GET1: variants seen among roughly 807,000 people sequenced by gnomAD.
The protein encoded by GET1 is congenital heart disease 5 protein.
A neutral mutation model predicts 22.6 loss-of-function variants in GET1; 20 were observed. The observed-to-expected ratio is 0.89, with a 90% CI of 0.62 to 1.29. The LOEUF (loss-of-function observed/expected upper bound fraction) is 1.29, where lower values mean the gene tolerates loss of function less well. Ranked by LOEUF, GET1 falls within the 50% of genes most tolerant of loss-of-function variation. The pLI, the probability that GET1 is intolerant of heterozygous loss-of-function variation, is 0.00. For synonymous variants in GET1, 92 were observed against 83.8 expected (o/e 1.10, Z -0.53); for missense variants, 209 against 219.9 (o/e 0.95, Z 0.31).
intron 1 of GET1, chr21:39,422,936 C>T (rs1181080668): frequency 6.3e-7 from 1 of 1,583,056 alleles, no homozygotes; most frequent in African/African-American, 1.4e-5. Flanking sequence ...TCTCTATTAA[C>T]TTTGGAATCT....
At position 39,397,649 on chromosome 21, in the gene GET1, T is replaced by C. The variant is rs577180045; in HGVS notation, c.*710T>C. The C allele has an allele frequency of 6.7e-6, 1 of 149,224 alleles. No individual in the cohort carries two copies. The highest frequency in any genetic ancestry group is 2.0e-4 in the East Asian group (1 of 4,992). The allele number at this position is 149,224 out of a possible 1,614,324, so 9.2% of individuals were successfully genotyped here. On this transcript the variant is annotated 3_prime_UTR_variant, in exon 5 of 5. Transcript: ENST00000649170. The stretch of plus-strand genomic sequence containing the variant: ...ATAAGCATTTAATATTTATGCTCTT[T>C]AGAATGGAACACAGAAAACAAACCT...
At chr21:39,406,427 T>C in exon 5 of GET1, 1 of 1,614,144 alleles carries the variant, frequency 6.2e-7, no homozygotes, top group Non-Finnish European at 8.5e-7. Flanking sequence ...AACTTTTCTC[T>C]TACTAGAACA....
chr21:39,384,921 C>G (rs977521814), intron 1 of GET1, among the ~76,000 whole-genome samples: 2 of 152,070 alleles, frequency 1.3e-5, no homozygotes, highest in Non-Finnish European at 2.9e-5. Flanking sequence ...AGAAGGATAA[C>G]ATAATTATTA....
At chr21:39,421,533 A>G (rs984237385) in intron 1 of GET1, 9 of 152,252 alleles carry the variant, frequency 5.9e-5, no homozygotes, top group African/African-American at 2.2e-4. Flanking sequence ...GAAATGACTG[A>G]TTTAATTCAA....
At chr21:39,394,626 T>G (rs1336042216) in intron 4 of GET1, among the ~76,000 whole-genome samples, 1 of 152,136 alleles carries the variant, frequency 6.6e-6, no homozygotes, top group Non-Finnish European at 1.5e-5. Flanking sequence ...TGATGGCCCA[T>G]TTTCCAGTTC....
At position 39,380,407 on chromosome 21, in the gene GET1, A is replaced by G. The variant is rs540173843; in HGVS notation, c.23A>G (p.His8Arg). The change falls in exon 1 of 5, where the codon CAC (histidine) becomes CGC (arginine). Residue 8 changes from histidine (H) to arginine (R), a missense_variant. By Grantham distance (29) the His-to-Arg change is conservative. Transcript: ENST00000649170. ...GGGATGAGCTCAGCCGCGGCCGACC[A>G]CTGGGCGTGGTTGCTGGTGCTCAGC... is the stretch of plus-strand genomic sequence containing the variant. MSSAAADHWAWLLVLSFV... is the reference protein window; with the variant it reads MSSAAADRWAWLLVLSFV... 4 of 1,611,148 alleles carry G rather than the reference A, an allele frequency of 2.5e-6. No individual in the cohort carries two copies. Among genetic ancestry groups the G allele is most frequent in the Non-Finnish European group, 2.5e-6 (3 of 1,178,614 alleles).
chr21:39,406,460 C>A, exon 5 of GET1: 1 of 1,614,008 alleles, frequency 6.2e-7, no homozygotes, highest in Non-Finnish European at 8.5e-7. Flanking sequence ...CTTTCTCTTT[C>A]AGGATGAATA....
chr21:39,419,487 C>T (rs771478460), intron 1 of GET1, among the ~76,000 whole-genome samples: 2 of 140,842 alleles, frequency 1.4e-5, no homozygotes, highest in Non-Finnish European at 3.0e-5. Flanking sequence ...ATGGTGCCAC[C>T]GCATTCTAGT....
chr21:39,420,720 G>C, intron 1 of GET1: 2 of 1,611,172 alleles, frequency 1.2e-6, no homozygotes, highest in Non-Finnish European at 1.7e-6. Context: ...AGTTTTTGTT[G>C]AAGGTGTTTT....
chr21:39,420,690 G>C (rs781306507), intron 1 of GET1: 6 of 1,599,918 alleles, frequency 3.8e-6, no homozygotes, highest in Non-Finnish European at 5.1e-6. Flanking sequence ...CTTACATTTT[G>C]TTTTAAAAGA....
intron 1 of GET1, chr21:39,422,495 CA>C (rs1210988428): frequency 6.2e-6 from 1 of 162,374 alleles, no homozygotes; most frequent in Admixed American, 6.4e-5. Context: ...AAAATAACTA[CA>C]AATGTCTGTG....
chr21:39,405,152 A>G (rs1470189058), intron 4 of GET1, among the ~76,000 whole-genome samples: 1 of 151,784 alleles, frequency 6.6e-6, no homozygotes, highest in Non-Finnish European at 1.5e-5. Context: ...TTTTTAGTAA[A>G]AAGAGTCTTT....
chr21:39,382,952 ATTTATT>A (rs2037644148), intron 1 of GET1, among the ~76,000 whole-genome samples: 2 of 151,522 alleles, frequency 1.3e-5, no homozygotes, highest in Non-Finnish European at 2.9e-5. Flanking sequence ...TTATTTTTTT[ATTTATT>A]TTTATTTTTT....
downstream of GET1, chr21:39,410,263 C>T: frequency 6.3e-7 from 1 of 1,585,456 alleles, no homozygotes; most frequent in South Asian, 1.1e-5. Context: ...ATTTGCTGTA[C>T]CTTAGTTGTC....
downstream of GET1, among the ~76,000 whole-genome samples, chr21:39,401,399 T>C (rs542870613): frequency 1.3e-5 from 2 of 152,266 alleles, no homozygotes; most frequent in African/African-American, 4.8e-5. Context: ...TTGAGAGGTA[T>C]AAAATATTTA....
At chr21:39,381,799 G>A (rs949488043) in intron 1 of GET1, among the ~76,000 whole-genome samples, 4 of 152,166 alleles carry the variant, frequency 2.6e-5, no homozygotes, top group African/African-American at 4.8e-5. Flanking sequence ...GTGCAGTGGT[G>A]TAATCTCGAC....
chr21:39,394,418 T>C (rs888667012), intron 4 of GET1, among the ~76,000 whole-genome samples: 6 of 152,246 alleles, frequency 3.9e-5, no homozygotes, highest in Admixed American at 2.0e-4. Flanking sequence ...TATTTTGATA[T>C]AGTTAAGGTC....
At chr21:39,423,587 A>C (rs1030054224) in intron 1 of GET1, 2 of 991,394 alleles carry the variant, frequency 2.0e-6, no homozygotes, top group Non-Finnish European at 2.9e-6. Context: ...CCATGCACAC[A>C]CACCACACAC....
At chr21:39,388,982 A>G (rs2038113129) in intron 1 of GET1, among the ~76,000 whole-genome samples, 1 of 152,086 alleles carries the variant, frequency 6.6e-6, no homozygotes, top group African/African-American at 2.4e-5. Flanking sequence ...TTCTCTGCCT[A>G]TCTGTGGAAA....
Sources: allele counts gnomAD v4.1 joint callset (sites outside exome capture counted in the v4.1 genomes callset), GRCh38; gene constraint gnomAD v4.1.1; transcripts MANE v1.5; gene names NCBI Gene and HGNC (gene_info 2026-07-23, HGNC 2026-07-21).